The following KCNMB4 variants were observed in gnomAD, a reference collection of about 807,000 sequenced individuals.
The protein encoded by KCNMB4 is calcium-activated potassium channel subunit beta-4.
A neutral mutation model predicts 20.7 loss-of-function variants in KCNMB4; 3 were observed. The ratio of observed to expected loss-of-function variants is 0.14; its 90% CI spans 0.07 to 0.37. The LOEUF is 0.37. KCNMB4 is among the 10% of genes least tolerant of loss of function. KCNMB4 has a pLI of 1.00. For missense variants in KCNMB4, 168 were observed against 265.9 expected (o/e 0.63, Z 2.56); for synonymous variants, 110 against 113.4 (o/e 0.97, Z 0.19).
intron 2 of KCNMB4, among the ~76,000 whole-genome samples, chr12:70,421,943 T>A (rs1869074432): frequency 2.0e-5 from 3 of 151,818 alleles, no homozygotes; most frequent in Admixed American, 2.0e-4. Flanking sequence ...TTTTATACAG[T>A]TAAGGTTCTC....
chr12:70,380,764 T>C (rs961682529), intron 1 of KCNMB4, among the ~76,000 whole-genome samples: 2 of 152,058 alleles, frequency 1.3e-5, no homozygotes, highest in African/African-American at 4.8e-5. Context: ...CAGCTGAATA[T>C]CCACATGCCA....
intron 2 of KCNMB4, among the ~76,000 whole-genome samples, chr12:70,403,298 TC>T (rs1471362693): frequency 1.3e-5 from 2 of 152,134 alleles, no homozygotes; most frequent in Non-Finnish European, 2.9e-5. Context: ...AAGGGTTGCT[TC>T]ACATAACTAG....
intron 1 of KCNMB4, among the ~76,000 whole-genome samples, chr12:70,395,151 G>GTTTTTTTTTTTTTTTTTTTTT (rs1478681672): frequency 4.0e-5 from 6 of 151,574 alleles, no homozygotes; most frequent in African/African-American, 9.7e-5. Flanking sequence ...AGTAGATAAT[G>GTTTTTTTTTTTTTTTTTTTTT]TTTTAAGAAT....
At chr12:70,397,049 A>G (rs1868359946) in intron 1 of KCNMB4, among the ~76,000 whole-genome samples, 1 of 152,154 alleles carries the variant, frequency 6.6e-6, no homozygotes, top group Non-Finnish European at 1.5e-5. Flanking sequence ...TAAGAATTTG[A>G]TGTTTGCCTT....
intron 2 of KCNMB4, among the ~76,000 whole-genome samples, chr12:70,424,255 C>G (rs1299416783): frequency 3.9e-5 from 6 of 152,074 alleles, no homozygotes; most frequent in Non-Finnish European, 8.8e-5. Context: ...AAGGGAAGAT[C>G]CAAGAAAGCT....
At chr12:70,396,247 G>A (rs961793809) in intron 1 of KCNMB4, among the ~76,000 whole-genome samples, 1 of 152,212 alleles carries the variant, frequency 6.6e-6, no homozygotes, top group Non-Finnish European at 1.5e-5. Flanking sequence ...GAAAGCAGTA[G>A]TTAGGACCAC....
chr12:70,378,332 ACAC>A (rs1883724194), intron 1 of KCNMB4, among the ~76,000 whole-genome samples: 1 of 152,156 alleles, frequency 6.6e-6, no homozygotes, highest in African/African-American at 2.4e-5. Flanking sequence ...GATGTCTTGA[ACAC>A]CACAAGTCAT....
At chr12:70,418,353 A>G (rs1565866011) in intron 2 of KCNMB4, among the ~76,000 whole-genome samples, 1 of 151,758 alleles carries the variant, frequency 6.6e-6, no homozygotes. Flanking sequence ...TGAGAACATG[A>G]TTCAGCTTAG....
At chr12:70,377,906 T>G (rs1883715690) in intron 1 of KCNMB4, among the ~76,000 whole-genome samples, 1 of 152,068 alleles carries the variant, frequency 6.6e-6, no homozygotes, top group South Asian at 2.1e-4. Flanking sequence ...TTCCAGAAAT[T>G]CAAGCTATAC....
chr12:70,405,016 G>C (rs1868557480), intron 2 of KCNMB4, among the ~76,000 whole-genome samples: 1 of 152,186 alleles, frequency 6.6e-6, no homozygotes, highest in Admixed American at 6.5e-5. Context: ...AGAGTGGCCA[G>C]AGGGTGAAAG....
Position 70,430,767 on chromosome 12 carries a change from CTGAGAGGCT to C in KCNMB4, c.*115_*123del. The C allele has an allele frequency of 9.9e-7, 1 of 1,007,828 alleles. No homozygotes were observed. The allele number at this position is 1,007,828 out of a possible 1,614,324, so 62.4% of individuals were successfully genotyped here. On this transcript the variant is annotated 3_prime_UTR_variant, in exon 3 of 3. Transcript: ENST00000258111. ...AGATGGACAGGGCCACGACAGGGCT[CTGAGAGGCT>C]CATCCCTCAGTGGCAACAGAAACAG...
chr12:70,430,269 ATAAT>A (rs1327106510), intron 2 of KCNMB4, among the ~76,000 whole-genome samples: 1 of 152,212 alleles, frequency 6.6e-6, no homozygotes, highest in Non-Finnish European at 1.5e-5. Flanking sequence ...CATGTAAATT[ATAAT>A]TAATACATAA....
intron 1 of KCNMB4, among the ~76,000 whole-genome samples, chr12:70,375,471 A>G (rs990042856): frequency 5.5e-5 from 6 of 108,226 alleles, no homozygotes; most frequent in Non-Finnish European, 1.1e-4. Context: ...CCACATCTCT[A>G]CAAAAATTAA....
chr12:70,430,846 C>T lies in KCNMB4; in HGVS notation c.*193C>T. 1 of 524,988 alleles carries T rather than the reference C, an allele frequency of 1.9e-6. No individual in the cohort carries two copies. Among genetic ancestry groups the T allele is most frequent in the South Asian group, 3.0e-5 (1 of 33,412 alleles). The allele number at this position is 524,988 out of a possible 1,614,324, so 32.5% of individuals were successfully genotyped here. A position where few individuals can be genotyped will look rare whatever the true frequency, so the allele number is the denominator to read the frequency against. ...AACCTCAAAGCTTGTATTCCATCTG[C>T]TGTAGCAATGGCTAAAGGGTCAAGA... On this transcript the variant is annotated 3_prime_UTR_variant, in exon 3 of 3. Coordinates refer to ENST00000258111, the MANE Select transcript of KCNMB4 (RefSeq NM_014505.6).
chr12:70,395,956 T>G (rs1868347109), intron 1 of KCNMB4, among the ~76,000 whole-genome samples: 1 of 152,120 alleles, frequency 6.6e-6, no homozygotes, highest in Non-Finnish European at 1.5e-5. Context: ...CTAAGTGAAA[T>G]TACATCCATG....
Position 70,366,919 on chromosome 12 carries a change from T to C in KCNMB4, c.185T>C (p.Ile62Thr). The stretch of plus-strand genomic sequence containing the variant: ...TGCACGGTGCTGTCGGTGCAGCAGA[T>C]CGGCGAGGTGTTCGAGTGCACCTTC... Reference protein sequence around the residue: ...ANCTVLSVQQIGEVFECTFTC... With the variant: ...ANCTVLSVQQTGEVFECTFTC... The change falls in exon 1 of 3, where the codon ATC becomes ACC. Residue 62 changes from isoleucine to threonine, a missense_variant. By Grantham distance (89) the Ile-to-Thr change is moderately conservative. Transcript: ENST00000258111. The C allele has an allele frequency of 6.2e-7, 1 of 1,613,082 alleles. No homozygotes were observed. Among genetic ancestry groups the C allele is most frequent in the South Asian group, 1.1e-5 (1 of 90,986 alleles).
intron 1 of KCNMB4, among the ~76,000 whole-genome samples, chr12:70,389,721 G>A (rs1191766437): frequency 1.3e-5 from 2 of 152,042 alleles, no homozygotes; most frequent in South Asian, 2.1e-4. Flanking sequence ...TAAAAATTTC[G>A]TGGGACACCC....
At chr12:70,429,005 A>G (rs1869286652) in intron 2 of KCNMB4, among the ~76,000 whole-genome samples, 1 of 152,260 alleles carries the variant, frequency 6.6e-6, no homozygotes, top group Non-Finnish European at 1.5e-5. Context: ...TACACTGTGC[A>G]TCAAAGGAAA....
At chr12:70,379,512 G>T (rs1883746843) in intron 1 of KCNMB4, among the ~76,000 whole-genome samples, 1 of 152,046 alleles carries the variant, frequency 6.6e-6, no homozygotes, top group Non-Finnish European at 1.5e-5. Flanking sequence ...TCCACCCCAA[G>T]CTCAAGCCAT....
Sources: allele counts gnomAD v4.1 joint callset (sites outside exome capture counted in the v4.1 genomes callset), GRCh38; gene constraint gnomAD v4.1.1; transcripts MANE v1.5; gene names NCBI Gene and HGNC (gene_info 2026-07-23, HGNC 2026-07-21).